Variants in TLK1 observed in about 807,000 individuals in gnomAD.
The protein encoded by TLK1 is serine/threonine-protein kinase tousled-like 1.
Under a neutral mutation model 105.3 loss-of-function variants are expected in TLK1, and 24 were observed. That is an observed-to-expected ratio of 0.23 (90% CI 0.17 to 0.32). TLK1 has a LOEUF of 0.32. Among genes scored for constraint, TLK1 ranks in the 10% least tolerant of loss-of-function variants. TLK1 has a pLI of 1.00. For missense variants in TLK1, 558 were observed against 910.5 expected (o/e 0.61, Z 4.98); for synonymous variants, 321 against 310.4 (o/e 1.03, Z -0.36).
intron 1 of TLK1, chr2:171,154,514 G>A (rs530490267): frequency 5.5e-4 from 84 of 152,294 alleles, no homozygotes; most frequent in African/African-American, 1.8e-3. Flanking sequence ...TCTGTAAAAT[G>A]AGAGGTTTGT....
At chr2:171,102,512 T>C (rs1278068113) in intron 2 of TLK1, among the ~76,000 whole-genome samples, 2 of 152,218 alleles carry the variant, frequency 1.3e-5, no homozygotes, top group Non-Finnish European at 2.9e-5. Flanking sequence ...ATTCATATGC[T>C]ATCAGGGTCT....
chr2:171,109,025 C>T (rs1297815095), intron 2 of TLK1, among the ~76,000 whole-genome samples: 4 of 152,138 alleles, frequency 2.6e-5, no homozygotes, highest in Non-Finnish European at 4.4e-5. Context: ...ACAAGAGATA[C>T]ACATGTAAAA....
intron 2 of TLK1, among the ~76,000 whole-genome samples, chr2:171,087,943 C>T (rs1173115469): frequency 1.3e-5 from 2 of 152,164 alleles, no homozygotes; most frequent in Non-Finnish European, 2.9e-5. Flanking sequence ...AGCAGCCAAG[C>T]TTTTACTCCA....
chr2:171,150,075 T>A (rs1371204686), intron 1 of TLK1, among the ~76,000 whole-genome samples: 1 of 152,166 alleles, frequency 6.6e-6, no homozygotes, highest in Non-Finnish European at 1.5e-5. Flanking sequence ...ACCCTGTGAT[T>A]AAGTGCAAGG....
At chr2:171,056,917 A>G (rs1687530276) in intron 5 of TLK1, among the ~76,000 whole-genome samples, 1 of 152,012 alleles carries the variant, frequency 6.6e-6, no homozygotes, top group Non-Finnish European at 1.5e-5. Context: ...ATGTTTATTG[A>G]GCCATATAGT....
chr2:171,121,434 G>C (rs1216058389), intron 1 of TLK1, among the ~76,000 whole-genome samples: 3 of 152,126 alleles, frequency 2.0e-5, no homozygotes, highest in African/African-American at 7.2e-5. Context: ...AAGGAGCTGA[G>C]GTGGGAGGAC....
chr2:171,069,685 CTG>C (rs748778176), intron 3 of TLK1, among the ~76,000 whole-genome samples: 1 of 152,126 alleles, frequency 6.6e-6, no homozygotes, highest in Non-Finnish European at 1.5e-5. Context: ...ATAAAACTAA[CTG>C]TACGGTGTGC....
intron 2 of TLK1, among the ~76,000 whole-genome samples, chr2:171,113,040 G>A (rs968166067): frequency 3.3e-5 from 5 of 151,936 alleles, no homozygotes; most frequent in African/African-American, 1.2e-4. Flanking sequence ...ATGCTATCAA[G>A]AATATAGAGA....
chr2:171,058,646 A>G (rs1002901221), intron 4 of TLK1, among the ~76,000 whole-genome samples: 9 of 152,182 alleles, frequency 5.9e-5, no homozygotes, highest in African/African-American at 2.2e-4. Context: ...TTTTTTAAAA[A>G]CTAGATTGTA....
chr2:171,109,439 C>T (rs1035825), intron 2 of TLK1, among the ~76,000 whole-genome samples: 60,030 of 151,948 alleles, frequency 0.4, 13,369 homozygotes, highest in African/African-American at 0.59. Context: ...ACAGCAGTTC[C>T]TGGAGGGACA....
chr2:171,015,007 A>AT, intron 12 of TLK1, 59 bp from the exon 13 acceptor site: 1 of 1,260,874 alleles, frequency 7.9e-7, no homozygotes, highest in East Asian at 2.3e-5. Context: ...TAAAAAAGAT[A>AT]TTTTTACCCA....
At chr2:171,058,975 C>G (rs1687625141) in intron 4 of TLK1, among the ~76,000 whole-genome samples, 1 of 152,096 alleles carries the variant, frequency 6.6e-6, no homozygotes, top group Non-Finnish European at 1.5e-5. Context: ...TTTTATTTAA[C>G]AAATATTTCT....
intron 1 of TLK1, among the ~76,000 whole-genome samples, chr2:171,213,590 G>A (rs1028342495): frequency 1.3e-4 from 20 of 151,340 alleles, no homozygotes; most frequent in East Asian, 4.0e-4. Flanking sequence ...AGGCTGAGGC[G>A]GGAGGGCAAC....
intron 13 of TLK1, 118 bp from the exon 14 acceptor site, chr2:171,011,572 C>G: frequency 1.3e-6 from 1 of 772,610 alleles, no homozygotes; most frequent in South Asian, 2.2e-5. Flanking sequence ...TACTCCACTG[C>G]TAATTTCAAA....
chr2:171,166,003 GAGA>G, intron 1 of TLK1, among the ~76,000 whole-genome samples: 2 of 151,836 alleles, frequency 1.3e-5, no homozygotes, highest in East Asian at 3.8e-4. Flanking sequence ...AATGTCCTGG[GAGA>G]AGATTATGTA....
At chr2:171,083,492 TATG>T (rs747146224) in intron 2 of TLK1, among the ~76,000 whole-genome samples, 37 of 152,336 alleles carry the variant, frequency 2.4e-4, no homozygotes, top group Non-Finnish European at 5.1e-4. Flanking sequence ...AATACGCTTC[TATG>T]ATACTTATTA....
intron 12 of TLK1, among the ~76,000 whole-genome samples, chr2:171,021,855 T>C (rs2105383160): frequency 6.6e-6 from 1 of 152,004 alleles, no homozygotes; most frequent in East Asian, 1.9e-4. Flanking sequence ...ATCCCAGCAC[T>C]TTGGGAGGCT....
intron 1 of TLK1, among the ~76,000 whole-genome samples, chr2:171,147,393 A>G (rs947912237): frequency 6.6e-6 from 1 of 152,208 alleles, no homozygotes; most frequent in African/African-American, 2.4e-5. Context: ...TTGCCCAGTA[A>G]GCCAAATCTT....
At chr2:171,122,243 C>T (rs982860476) in intron 1 of TLK1, among the ~76,000 whole-genome samples, 4 of 152,132 alleles carry the variant, frequency 2.6e-5, no homozygotes, top group Admixed American at 1.3e-4. Flanking sequence ...GGATTACAGG[C>T]GTGAGCCACC....
Sources: allele counts gnomAD v4.1 joint callset (sites outside exome capture counted in the v4.1 genomes callset), GRCh38; gene constraint gnomAD v4.1.1; transcripts MANE v1.5; gene names NCBI Gene and HGNC (gene_info 2026-07-23, HGNC 2026-07-21).